HS3ST6: variants seen among roughly 807,000 people sequenced by gnomAD.
The protein encoded by HS3ST6 is heparan sulfate glucosamine 3-O-sulfotransferase 6.
Under a neutral mutation model 11.0 loss-of-function variants are expected in HS3ST6, and 13 were observed. The ratio of observed to expected loss-of-function variants is 1.18; its 90% CI spans 0.77 to 1.88. The LOEUF is 1.88. Among genes scored for constraint, HS3ST6 ranks in the 40% most tolerant of loss-of-function variants. The pLI, the probability that HS3ST6 is intolerant of heterozygous loss-of-function variation, is 0.00. For synonymous variants in HS3ST6, 232 were observed against 230.6 expected, an observed-to-expected ratio of 1.01 and a Z score of -0.06; for missense variants, 541 against 494.4, an observed-to-expected ratio of 1.09 and a Z score of -0.89.
chr16:1,917,029 GC>G (rs981343507), intron 1 of HS3ST6, among the ~76,000 whole-genome samples: 15 of 152,026 alleles, frequency 9.9e-5, no homozygotes, highest in Non-Finnish European at 1.9e-4. Flanking sequence ...TTCTCACGGA[GC>G]CCCTTCCTGC....
intron 1 of HS3ST6, among the ~76,000 whole-genome samples, chr16:1,913,303 C>G (rs1597009572): frequency 6.6e-6 from 1 of 152,198 alleles, no homozygotes; most frequent in Non-Finnish European, 1.5e-5. Flanking sequence ...GGGGGCCTTT[C>G]TGAGATTCTC....
rs780852954 is a variant in HS3ST6 at position 1,917,981 on chromosome 16, C to T, written c.343G>A (p.Asp115Asn). 5.8e-6 allele frequency: 9 copies of T among 1,552,574 alleles called. No individual in the cohort carries two copies. Among genetic ancestry groups the T allele is most frequent in the African/African-American group, 1.4e-5 (1 of 72,024 alleles). ...GGCTCAGAGCCCAGCGCGCGGACGT[C>T]GGGGTGCAGCCGCAGAAACTCCAGC... ...ALLEFLRLHP[D>N]VRALGSEPHF... Residue 115 changes from aspartate (D) to asparagine (N), a missense_variant, in exon 1 of 2, where the codon GAC becomes AAC. Coordinates refer to ENST00000454677, the MANE Select transcript of HS3ST6 (RefSeq NM_001009606.4).
intron 1 of HS3ST6, among the ~76,000 whole-genome samples, chr16:1,916,618 C>T (rs1341878591): frequency 6.6e-6 from 1 of 152,008 alleles, no homozygotes; most frequent in African/African-American, 2.4e-5. Context: ...CCTCACGGCC[C>T]AGCTCAGATC....
At chr16:1,919,712 G>A (rs1029123063), upstream of HS3ST6, among the ~76,000 whole-genome samples, 6 of 152,206 alleles carry the variant, frequency 3.9e-5, no homozygotes, top group East Asian at 1.9e-4. Flanking sequence ...CAGACATTCC[G>A]GAGCTCCTAC....
At position 1,918,255 on chromosome 16, in the gene HS3ST6, G is replaced by T. The variant is rs866662734; in HGVS notation, c.69C>A (p.Ala23=). The T allele has an allele frequency of 1.4e-5, 14 of 1,008,696 alleles. No individual in the cohort carries two copies. In the African/African-American group the frequency reaches 2.5e-4, roughly 18 times the overall value. 62.5% of individuals were successfully genotyped at this position (1,008,696 alleles called of 1,614,324 possible). A position where few individuals can be genotyped will look rare whatever the true frequency, so the allele number is the denominator to read the frequency against. ...GGQGAGAGQG[A]ALRASRAPML... ...TCGGCGCGCGGGACGCCCGCAGAGC[G>T]GCCCCTTGCCCGGCCCCTGCGCCCT... The change falls in exon 1 of 2, where the codon GCC becomes GCA. Residue 23 remains alanine (A), a synonymous_variant. Coordinates refer to ENST00000454677, the MANE Select transcript of HS3ST6 (RefSeq NM_001009606.4). This position sits in a 1 kb window ranked among gnomAD's most constrained non-coding sequence, Gnocchi z 6.0.
chr16:1,919,880 G>T (rs1040635966), upstream of HS3ST6, among the ~76,000 whole-genome samples: 3 of 152,250 alleles, frequency 2.0e-5, no homozygotes, highest in Admixed American at 2.0e-4. Flanking sequence ...ACAATGCGAG[G>T]AGAGCATGCT....
chr16:1,916,927 G>A lies in HS3ST6; in HGVS notation c.413+984C>T, dbSNP rs1436296506. Among the ~76,000 whole-genome samples the A allele has an allele frequency of 2.0e-5, 3 of 151,768 alleles. No homozygotes were observed. The East Asian group carries it at 5.8e-4, about 29-fold the overall frequency. On this transcript the variant is annotated intron_variant, in intron 1 of 1. Transcript: ENST00000454677. ...TGCCCAATTCAGCCAGGTGAGCCCCGGGATGGACTCCATGTCCCCTAGCCA... is the reference window on the plus strand; with the variant it reads ...TGCCCAATTCAGCCAGGTGAGCCCCAGGATGGACTCCATGTCCCCTAGCCA...
rs756283294 is a variant in HS3ST6, at chr16:1,912,144, C to G, written c.475G>C (p.Val159Leu). 6.7e-7 allele frequency: 1 copy of G among 1,490,952 alleles called. No individual in the cohort carries two copies. Among genetic ancestry groups the G allele is most frequent in the East Asian group, 2.4e-5 (1 of 41,240 alleles). 92.4% of individuals were successfully genotyped at this position (1,490,952 alleles called of 1,614,324 possible). The change falls in exon 2 of 2, where the codon GTG becomes CTG. Residue 159 changes from valine (V) to leucine (L), a missense_variant. Physicochemically the swap from Val to Leu is conservative, Grantham distance 32 (BLOSUM62 1). Transcript: ENST00000454677. The surrounding 1 kb of genome is among the most constrained non-coding windows in gnomAD (Gnocchi z 5.6). ...ITMEKTPSYFVTREAPRRIHA... is the reference protein window; with the variant it reads ...ITMEKTPSYFLTREAPRRIHA... ...ATGCGGCGGGGGGCCTCTCGCGTCA[C>G]GAAGTAGCTGGGGGTCTTCTCCATG...
upstream of HS3ST6, among the ~76,000 whole-genome samples, chr16:1,918,750 C>T (rs919264789): frequency 6.6e-6 from 1 of 152,140 alleles, no homozygotes; most frequent in Admixed American, 6.5e-5. The surrounding 1 kb of genome is among the most constrained non-coding windows in gnomAD (Gnocchi z 6.0). Context: ...GACCGATCCC[C>T]TTCCCCCCCC....
chr16:1,915,555 C>T (rs1032198384), intron 1 of HS3ST6, among the ~76,000 whole-genome samples: 1 of 152,230 alleles, frequency 6.6e-6, no homozygotes, highest in Non-Finnish European at 1.5e-5. Flanking sequence ...GGATTACAGG[C>T]GTGAGCCACT....
At chr16:1,919,678 G>C (rs1267650978), upstream of HS3ST6, among the ~76,000 whole-genome samples, 1 of 152,232 alleles carries the variant, frequency 6.6e-6, no homozygotes, top group Admixed American at 6.5e-5. Flanking sequence ...GCTGCCTCAA[G>C]GGGCCGAAGG....
intron 1 of HS3ST6, among the ~76,000 whole-genome samples, chr16:1,914,957 C>T (rs868512964): frequency 6.6e-6 from 1 of 152,166 alleles, no homozygotes; most frequent in Non-Finnish European, 1.5e-5. Flanking sequence ...GGACTGCCCC[C>T]CTCCTTGTGG....
intron 1 of HS3ST6, among the ~76,000 whole-genome samples, chr16:1,914,018 C>T (rs2082909754): frequency 6.6e-6 from 1 of 152,184 alleles, no homozygotes; most frequent in African/African-American, 2.4e-5. Context: ...GACAAGTCCT[C>T]CTCCGTCTTG....
intron 1 of HS3ST6, among the ~76,000 whole-genome samples, chr16:1,917,613 C>A (rs1186035036): frequency 1.3e-5 from 2 of 152,202 alleles, no homozygotes; most frequent in Non-Finnish European, 2.9e-5. Flanking sequence ...TGGAAACGAC[C>A]TCTGGGCTGG....
At chr16:1,915,878 C>T (rs1266667958) in intron 1 of HS3ST6, among the ~76,000 whole-genome samples, 4 of 150,982 alleles carry the variant, frequency 2.6e-5, no homozygotes, top group African/African-American at 4.9e-5. Context: ...ACAGGAAGGC[C>T]GGGTCACCGC....
In HS3ST6 at chr16:1,912,137, C is replaced by T. The variant is rs751714501; in HGVS notation, c.482G>A (p.Arg161Gln). 12 of 1,491,562 alleles carry T rather than the reference C, an allele frequency of 8.0e-6. No homozygotes were observed. In the East Asian group the frequency reaches 9.7e-5, roughly 12 times the overall value. The allele number at this position is 1,491,562 out of a possible 1,614,324, so 92.4% of individuals were successfully genotyped here. ...MEKTPSYFVT[R>Q]EAPRRIHAMS... Reference sequence around the variant, plus strand: ...GGCGTGGATGCGGCGGGGGGCCTCTCGCGTCACGAAGTAGCTGGGGGTCTT... The same window carrying T: ...GGCGTGGATGCGGCGGGGGGCCTCTTGCGTCACGAAGTAGCTGGGGGTCTT... The change falls in exon 2 of 2, where the codon CGA (arginine) becomes CAA (glutamine). Residue 161 changes from arginine (R) to glutamine (Q), a missense_variant. By Grantham distance (43) the Arg-to-Gln change is conservative (BLOSUM62 1). Coordinates refer to ENST00000454677, the MANE Select transcript of HS3ST6 (RefSeq NM_001009606.4). The surrounding 1 kb of genome is among the most constrained non-coding windows in gnomAD (Gnocchi z 5.6).
chr16:1,911,682 G>A lies in HS3ST6; in HGVS notation c.937C>T (p.Pro313Ser), dbSNP rs1264581366. ...KSKGRPHPRV[P>S]QALVRRLQEF... ...TGCAGGCGCCGGACCAGGGCCTGGGGCACGCGTGGGTGTGGCCGGCCCTTG... is the reference window on the plus strand; with the variant it reads ...TGCAGGCGCCGGACCAGGGCCTGGGACACGCGTGGGTGTGGCCGGCCCTTG... Residue 313 changes from proline to serine, a missense_variant, in exon 2 of 2, where the codon CCC (proline) becomes TCC (serine). Transcript: ENST00000454677. 6.2e-7 allele frequency: 1 copy of A among 1,611,676 alleles called. No individual in the cohort carries two copies.
At position 1,912,063 on chromosome 16, in the gene HS3ST6, G is replaced by A. The variant is rs533633131; in HGVS notation, c.556C>T (p.Arg186Trp). Residue 186 changes from arginine to tryptophan, a missense_variant, in exon 2 of 2, where the codon CGG (arginine) becomes TGG (tryptophan). Arg to Trp is a moderately radical substitution (Grantham distance 101). Coordinates refer to ENST00000454677, the MANE Select transcript of HS3ST6 (RefSeq NM_001009606.4). This position sits in a 1 kb window ranked among gnomAD's most constrained non-coding sequence, Gnocchi z 5.6. Reference sequence around the variant, plus strand: ...GTCTGGGCGTAGTCGGAGATGGCCCGGGTCACGGGGTTCCGCACCACCACG... The same window carrying A: ...GTCTGGGCGTAGTCGGAGATGGCCCAGGTCACGGGGTTCCGCACCACCACG... ...LIVVVRNPVT[R>W]AISDYAQTLS... The A allele has an allele frequency of 1.3e-5, 20 of 1,513,952 alleles. No individual in the cohort carries two copies. Among genetic ancestry groups the A allele is most frequent in the Admixed American group, 1.1e-4 (5 of 44,098 alleles). 93.8% of individuals were successfully genotyped at this position (1,513,952 alleles called of 1,614,324 possible).
rs950013625 is a variant in HS3ST6, at chr16:1,912,130, G to A, written c.489C>T (p.Ala163=). ...KTPSYFVTRE[A]PRRIHAMSPD... is the part of the protein sequence containing the mutation. Reference sequence around the variant, plus strand: ...GGGACATGGCGTGGATGCGGCGGGGGGCCTCTCGCGTCACGAAGTAGCTGG... The same window carrying A: ...GGGACATGGCGTGGATGCGGCGGGGAGCCTCTCGCGTCACGAAGTAGCTGG... Residue 163 remains alanine (A), a synonymous_variant, in exon 2 of 2, where the codon GCC becomes GCT. Transcript: ENST00000454677. The surrounding 1 kb of genome is among the most constrained non-coding windows in gnomAD (Gnocchi z 5.6). 10 of 1,498,056 alleles carry A rather than the reference G, an allele frequency of 6.7e-6. No individual in the cohort carries two copies. Among genetic ancestry groups the A allele is most frequent in the African/African-American group, 2.8e-5 (2 of 70,410 alleles). 92.8% of individuals were successfully genotyped at this position (1,498,056 alleles called of 1,614,324 possible). A position where few individuals can be genotyped will look rare whatever the true frequency, so the allele number is the denominator to read the frequency against.
Sources: allele counts gnomAD v4.1 joint callset (sites outside exome capture counted in the v4.1 genomes callset), GRCh38; gene constraint gnomAD v4.1.1; non-coding constraint Gnocchi (gnomAD v3.1); transcripts MANE v1.5; gene names NCBI Gene and HGNC (gene_info 2026-07-23, HGNC 2026-07-21).